The following GRM7 variants were observed in gnomAD, a reference collection of about 807,000 sequenced individuals.
GRM7 encodes glutamate metabotropic receptor 7.
Under a neutral mutation model 84.5 loss-of-function variants are expected in GRM7, and 35 were observed. The ratio of observed to expected loss-of-function variants is 0.41; its 90% CI spans 0.32 to 0.55. The LOEUF (loss-of-function observed/expected upper bound fraction) is 0.55. Among genes scored for constraint, GRM7 ranks in the 20% least tolerant of loss-of-function variants. The pLI is 0.19. For missense variants in GRM7, 1,003 were observed against 1,194.6 expected (o/e 0.84, Z 2.36); for synonymous variants, 487 against 455.1 (o/e 1.07, Z -0.89).
intron 5 of GRM7, among the ~76,000 whole-genome samples, chr3:7,435,330 G>GT (rs1287141809): frequency 1.3e-5 from 2 of 151,618 alleles, no homozygotes; most frequent in African/African-American, 2.4e-5. Context: ...CCCCTGGGTA[G>GT]TTTTTTTATA....
chr3:7,146,700 C>A, intron 2 of GRM7, 32 bp downstream of exon 2: 1 of 1,476,828 alleles, frequency 6.8e-7, no homozygotes, highest in Non-Finnish European at 9.4e-7. Context: ...CAAGCTGGCT[C>A]TCTTCAAACG....
intron 9 of GRM7, among the ~76,000 whole-genome samples, chr3:7,709,491 A>C (rs1701506706): frequency 6.6e-6 from 1 of 152,108 alleles, no homozygotes; most frequent in African/African-American, 2.4e-5. Flanking sequence ...GTGTCAGTGG[A>C]GACAGACAAT....
At chr3:6,958,588 G>A (rs931812478) in intron 1 of GRM7, among the ~76,000 whole-genome samples, 3 of 152,028 alleles carry the variant, frequency 2.0e-5, no homozygotes, top group Admixed American at 6.6e-5. Context: ...TAAGACATTT[G>A]GTCATTGAAT....
intron 1 of GRM7, among the ~76,000 whole-genome samples, chr3:7,079,891 G>A (rs1218663337): frequency 1.3e-5 from 2 of 152,262 alleles, no homozygotes; most frequent in Middle Eastern, 3.4e-3. Flanking sequence ...CTGACATGGA[G>A]CAAGTGCTCA....
intron 7 of GRM7, among the ~76,000 whole-genome samples, chr3:7,538,647 A>T (rs1296534560): frequency 2.6e-5 from 4 of 152,188 alleles, no homozygotes; most frequent in Non-Finnish European, 4.4e-5. Flanking sequence ...AGTAAACATC[A>T]CTGAGTGCCT....
intron 2 of GRM7, among the ~76,000 whole-genome samples, chr3:7,219,163 C>T (rs533240429): frequency 5.9e-5 from 9 of 151,968 alleles, no homozygotes; most frequent in Non-Finnish European, 1.0e-4. Context: ...GTTTTTTTCC[C>T]GACTGCTAAA....
intron 1 of GRM7, among the ~76,000 whole-genome samples, chr3:6,950,824 C>G (rs79761157): frequency 6.6e-6 from 1 of 152,132 alleles, no homozygotes; most frequent in African/African-American, 2.4e-5. Context: ...TAGCAGTGAG[C>G]GAGGCTCCAT....
chr3:7,197,210 A>C (rs1575019416), intron 2 of GRM7, among the ~76,000 whole-genome samples: 1 of 152,114 alleles, frequency 6.6e-6, no homozygotes, highest in Non-Finnish European at 1.5e-5. Context: ...TATTAGCCCA[A>C]ACTTGTGCTT....
chr3:7,218,341 AG>A (rs2124867560), intron 2 of GRM7, among the ~76,000 whole-genome samples: 1 of 152,238 alleles, frequency 6.6e-6, no homozygotes, highest in Admixed American at 6.5e-5. Flanking sequence ...CTTAATTTAT[AG>A]TACCTTTATT....
At chr3:7,444,517 G>T (rs1299618168) in intron 5 of GRM7, among the ~76,000 whole-genome samples, 1 of 152,148 alleles carries the variant, frequency 6.6e-6, no homozygotes, top group Middle Eastern at 3.2e-3. Flanking sequence ...GTGACAAACG[G>T]TGTTTTTACC....
At chr3:6,881,899 CG>C (rs1397516474) in intron 1 of GRM7, among the ~76,000 whole-genome samples, 1 of 147,610 alleles carries the variant, frequency 6.8e-6, no homozygotes, top group African/African-American at 2.5e-5. Flanking sequence ...CCACAATGAT[CG>C]ATTAGTCTAA....
chr3:7,282,404 C>T (rs117427989), intron 2 of GRM7, among the ~76,000 whole-genome samples: 8 of 152,270 alleles, frequency 5.3e-5, no homozygotes, highest in African/African-American at 1.9e-4. Flanking sequence ...TCATGGCTCT[C>T]GCCTATCCAC....
chr3:7,648,846 C>T (rs1021544495), intron 8 of GRM7, among the ~76,000 whole-genome samples: 2 of 152,094 alleles, frequency 1.3e-5, no homozygotes, highest in Admixed American at 6.5e-5. Context: ...GAAAGTCAGA[C>T]GTTGTGGCGT....
chr3:7,144,486 G>A (rs1431569669), intron 1 of GRM7, among the ~76,000 whole-genome samples: 1 of 152,190 alleles, frequency 6.6e-6, no homozygotes, highest in Non-Finnish European at 1.5e-5. Flanking sequence ...ATAGGACAGT[G>A]TGGAGAATGT....
At chr3:7,317,000 T>A (rs913090136) in intron 4 of GRM7, among the ~76,000 whole-genome samples, 2 of 152,036 alleles carry the variant, frequency 1.3e-5, no homozygotes, top group East Asian at 1.9e-4. Context: ...AAAAATAATA[T>A]GAGTATAATT....
At chr3:6,891,727 C>T (rs1182698032) in intron 1 of GRM7, among the ~76,000 whole-genome samples, 3 of 152,086 alleles carry the variant, frequency 2.0e-5, no homozygotes, top group Admixed American at 6.6e-5. Flanking sequence ...TTGCTCTTCT[C>T]GAGGAGTATC....
intron 8 of GRM7, among the ~76,000 whole-genome samples, chr3:7,638,450 C>G (rs1295881911): frequency 6.6e-6 from 1 of 152,180 alleles, no homozygotes; most frequent in East Asian, 1.9e-4. Context: ...AAAGATTGCT[C>G]TAGATCCAGT....
chr3:7,683,826 C>CTGT (rs759818663), intron 9 of GRM7, among the ~76,000 whole-genome samples: 8 of 152,212 alleles, frequency 5.3e-5, no homozygotes, highest in Non-Finnish European at 7.3e-5. Flanking sequence ...CTGTATTGGA[C>CTGT]AGTGTAGCTC....
chr3:6,885,942 T>G (rs1695676176), intron 1 of GRM7, among the ~76,000 whole-genome samples: 1 of 152,144 alleles, frequency 6.6e-6, no homozygotes, highest in South Asian at 2.1e-4. Context: ...CAAGTTAGTT[T>G]GAGTTTCTTT....
Sources: gnomAD v4.1 joint callset for allele counts (sites outside exome capture counted in the v4.1 genomes callset) on GRCh38, gnomAD v4.1.1 for gene constraint, MANE v1.5 for transcripts, NCBI Gene and HGNC (gene_info 2026-07-23, HGNC 2026-07-21) for gene names.